The following ARHGAP39 variants were observed in gnomAD, a reference collection of about 807,000 sequenced individuals.
The protein encoded by ARHGAP39 is rho GTPase-activating protein 39.
A neutral mutation model predicts 106.9 loss-of-function variants in ARHGAP39; 44 were observed. That is an observed-to-expected ratio of 0.41 (90% CI 0.32 to 0.53). The LOEUF is 0.53. ARHGAP39 is among the 20% of genes least tolerant of loss of function. The pLI, the probability that ARHGAP39 is intolerant of heterozygous loss-of-function variation, is 0.21. For missense variants in ARHGAP39, 1,496 were observed against 1,577.3 expected, an observed-to-expected ratio of 0.95 and a Z score of 0.87; for synonymous variants, 768 against 693.2, an observed-to-expected ratio of 1.11 and a Z score of -1.69.
chr8:144,624,761 C>T (rs1820899074), intron 1 of ARHGAP39, among the ~76,000 whole-genome samples: 1 of 24,570 alleles, frequency 4.1e-5, no homozygotes, highest in Non-Finnish European at 8.1e-5. Flanking sequence ...GCCCCTGTCC[C>T]CGCGGCCCCG....
rs1817546025 is a variant in ARHGAP39, at chr8:144,548,169, T to C, written c.917A>G (p.Tyr306Cys). 21 of 1,574,456 alleles carry C rather than the reference T, an allele frequency of 1.3e-5. No individual in the cohort carries two copies. Among genetic ancestry groups the C allele is most frequent in the Non-Finnish European group, 1.8e-5 (21 of 1,159,068 alleles). ...CTCGTAGAGCGGGGGTTCATAGCCA[T>C]AGCGCGGGGAGGAGGGCTGCGAGTC... is the stretch of plus-strand genomic sequence containing the variant. ...SGDSQPSSPR[Y>C]GYEPPLYEEP... The change falls in exon 5 of 12, where the codon TAT (tyrosine) becomes TGT (cysteine). Residue 306 changes from tyrosine (Y) to cysteine (C), a missense_variant. Transcript: ENST00000377307. This position sits in a 1 kb window ranked among gnomAD's most constrained non-coding sequence, Gnocchi z 7.4.
intron 1 of ARHGAP39, among the ~76,000 whole-genome samples, chr8:144,676,063 G>T (rs1396898891): frequency 6.6e-6 from 1 of 152,176 alleles, no homozygotes; most frequent in African/African-American, 2.4e-5. Context: ...CATAAAGGCG[G>T]CGCGGACCCA....
At chr8:144,552,366 G>A (rs1190062316) in intron 4 of ARHGAP39, among the ~76,000 whole-genome samples, 3 of 152,274 alleles carry the variant, frequency 2.0e-5, no homozygotes, top group African/African-American at 4.8e-5. Flanking sequence ...GAGCCTGGAC[G>A]GAGCTGGGAG....
chr8:144,602,046 T>A (rs780615712), intron 2 of ARHGAP39, among the ~76,000 whole-genome samples: 30 of 133,794 alleles, frequency 2.2e-4, no homozygotes, highest in Non-Finnish European at 4.2e-4. Flanking sequence ...CCTGTGTGTG[T>A]GCGTGGAGGC....
intron 3 of ARHGAP39, among the ~76,000 whole-genome samples, chr8:144,562,209 T>G (rs1284731591): frequency 1.3e-5 from 2 of 150,904 alleles, no homozygotes; most frequent in Non-Finnish European, 3.0e-5. Flanking sequence ...CGGGCTCCAG[T>G]GGTTTCCATT....
In ARHGAP39 at chr8:144,548,290, A is replaced by T. The variant is rs763440661; in HGVS notation, c.796T>A (p.Phe266Ile). ...TFAPEADGTI[F>I]FPERRPSPFL... ...GGTGACGGCCTCCTCTCTGGGAAGA[A>T]GATGGTGCCGTCAGCCTCCGGGGCG... The change falls in exon 5 of 12, where the codon TTC (phenylalanine) becomes ATC (isoleucine). Residue 266 changes from phenylalanine to isoleucine, a missense_variant. Transcript: ENST00000377307. The surrounding 1 kb of genome is among the most constrained non-coding windows in gnomAD (Gnocchi z 7.4). 31 of 1,609,020 alleles carry T rather than the reference A, an allele frequency of 1.9e-5. No individual in the cohort carries two copies. In the East Asian group the frequency reaches 6.7e-4, roughly 35 times the overall value.
intron 1 of ARHGAP39, among the ~76,000 whole-genome samples, chr8:144,657,817 T>C (rs909691443): frequency 9.2e-5 from 14 of 152,058 alleles, no homozygotes; most frequent in Non-Finnish European, 4.4e-5. Flanking sequence ...TCAAAGCAAA[T>C]TGAAAATAGA....
intron 1 of ARHGAP39, among the ~76,000 whole-genome samples, chr8:144,661,054 T>A (rs1302891982): frequency 6.6e-6 from 1 of 151,926 alleles, no homozygotes; most frequent in African/African-American, 2.4e-5. Flanking sequence ...GGCAGGAGGA[T>A]CACCTGTGCC....
In ARHGAP39 at chr8:144,581,174, TGATGCGGACGCCGGCCGGCGGGTCCCA is replaced by T; in HGVS notation, c.157_183del (p.Trp53_Ile61del). 1 of 1,568,272 alleles carries T rather than the reference TGATGCGGACGCCGGCCGGCGGGTCCCA, an allele frequency of 6.4e-7. No homozygotes were observed. Among genetic ancestry groups the T allele is most frequent in the Non-Finnish European group, 8.6e-7 (1 of 1,157,210 alleles). On this transcript the variant is annotated inframe_deletion, in exon 3 of 12. Transcript: ENST00000377307. ...CACCACTGGTTCTCGCTGGTGCGCT[TGATGCGGACGCCGGCCGGCGGGTCCCA>T]CACGCACTCACCGGTGACCAGGTTG...
chr8:144,649,181 C>T (rs768880621), intron 1 of ARHGAP39, among the ~76,000 whole-genome samples: 50 of 152,228 alleles, frequency 3.3e-4, no homozygotes, highest in Admixed American at 1.6e-3. Context: ...CGGTGGCTCA[C>T]GCCTATAATC....
At chr8:144,554,242 G>A (rs999730401) in intron 4 of ARHGAP39, among the ~76,000 whole-genome samples, 57 of 152,324 alleles carry the variant, frequency 3.7e-4, no homozygotes, top group African/African-American at 1.3e-3. Flanking sequence ...GGGGCTGAAG[G>A]AGGCCGAGCC....
chr8:144,541,531 C>T (rs189717672), intron 6 of ARHGAP39, among the ~76,000 whole-genome samples: 126 of 152,330 alleles, frequency 8.3e-4, no homozygotes, highest in African/African-American at 2.9e-3. Context: ...CCCCGCTTCT[C>T]CCTCCCTCAG....
rs777679053 is a variant in ARHGAP39 at position 144,606,607 on chromosome 8, GAGA to G, written c.-81-915_-81-913del. On this transcript the variant is annotated intron_variant, in intron 1 of 11. Coordinates refer to ENST00000377307, the MANE Select transcript of ARHGAP39 (RefSeq NM_025251.3). ...TGTTTGTAGTTAAGAGAAGGAGGAG[GAGA>G]AGGAGGAGGAGGAGGAGGAGGTGAC... Among the ~76,000 whole-genome samples, 393 of 152,076 alleles carry G rather than the reference GAGA, an allele frequency of 2.6e-3. 2 individuals carry two copies. Among genetic ancestry groups the G allele is most frequent in the Non-Finnish European group, 3.9e-3 (262 of 68,006 alleles).
In ARHGAP39 at chr8:144,547,440, G is replaced by C; in HGVS notation, c.1646C>G (p.Ala549Gly). ...AGCCTGCGCCAGGAAGGGCTCGGCCGCGCCCCGCGCCCCTTCGGCCTCACC... is the reference window on the plus strand; with the variant it reads ...AGCCTGCGCCAGGAAGGGCTCGGCCCCGCCCCGCGCCCCTTCGGCCTCACC... ...AEGEAEGARG[A>G]AEPFLAQARL... Residue 549 changes from alanine to glycine, a missense_variant, in exon 5 of 12, where the codon GCG (alanine) becomes GGG (glycine). Physicochemically the swap from Ala to Gly is moderately conservative, Grantham distance 60. This residue lies in a region of ARHGAP39 where 905 missense variants were observed against 816.4 expected (regional missense o/e 1.11). Coordinates refer to ENST00000377307, the MANE Select transcript of ARHGAP39 (RefSeq NM_025251.3). This position sits in a 1 kb window ranked among gnomAD's most constrained non-coding sequence, Gnocchi z 5.2. The C allele has an allele frequency of 6.4e-7, 1 of 1,572,630 alleles. No homozygotes were observed.
chr8:144,698,910 A>T, the ARHGAP39 span: 1 of 455,536 alleles, frequency 2.2e-6, no homozygotes, highest in African/African-American at 2.0e-5. Flanking sequence ...GGGGTCCAAG[A>T]TGTGAATAAA....
chr8:144,563,624 A>T (rs915035649), intron 3 of ARHGAP39, among the ~76,000 whole-genome samples: 1 of 148,840 alleles, frequency 6.7e-6, no homozygotes. Context: ...TATCTCTATA[A>T]AAAAAAAATA....
At chr8:144,693,434 C>A in the ARHGAP39 span, among the ~76,000 whole-genome samples, 1 of 151,124 alleles carries the variant, frequency 6.6e-6, no homozygotes, top group African/African-American at 2.4e-5. Context: ...AGTGCAGTGG[C>A]GCGATCTCGG....
chr8:144,533,374 C>G lies in ARHGAP39; in HGVS notation c.2689-49G>C, dbSNP rs563324794. 7 of 1,558,194 alleles carry G rather than the reference C, an allele frequency of 4.5e-6. No individual in the cohort carries two copies. In the South Asian group the frequency reaches 7.8e-5, roughly 17 times the overall value. On this transcript the variant is annotated intron_variant, in intron 8 of 11. Coordinates refer to ENST00000377307, the MANE Select transcript of ARHGAP39 (RefSeq NM_025251.3). ...TGGTCTGGCCTGGCCATCCTCAGGA[C>G]CCCCCGCCACCCCGGTTGTCTTCTT...
At chr8:144,561,233 T>G (rs547252487) in intron 3 of ARHGAP39, among the ~76,000 whole-genome samples, 4 of 151,788 alleles carry the variant, frequency 2.6e-5, no homozygotes, top group South Asian at 2.1e-4. Context: ...CTCCAGTGGT[T>G]TCCATCACAC....
Sources: gnomAD v4.1 joint callset for allele counts (sites outside exome capture counted in the v4.1 genomes callset) on GRCh38, gnomAD v4.1.1 for gene constraint, gnomAD v4.1.1 regional missense constraint, Gnocchi (gnomAD v3.1) non-coding constraint, MANE v1.5 for transcripts, NCBI Gene and HGNC (gene_info 2026-07-23, HGNC 2026-07-21) for gene names.